Variants in PIWIL4 observed in about 807,000 individuals in gnomAD.
PIWIL4 encodes piwi like RNA-mediated gene silencing 4, also known as piwi-like protein 4.
In PIWIL4, 50 loss-of-function variants were observed where a neutral mutation model predicts 100.9. That is an observed-to-expected ratio of 0.50 (90% CI 0.39 to 0.63). PIWIL4 has a LOEUF of 0.63. Among genes scored for constraint, PIWIL4 ranks in the 20% least tolerant of loss-of-function variants. The pLI is 0.00. For synonymous variants in PIWIL4, 342 were observed against 367.5 expected, an observed-to-expected ratio of 0.93 and a Z score of 0.79; for missense variants, 887 against 1,043.3, an observed-to-expected ratio of 0.85 and a Z score of 2.06.
At chr11:94,602,901 G>A (rs1218663253) in intron 12 of PIWIL4, among the ~76,000 whole-genome samples, 1 of 152,168 alleles carries the variant, frequency 6.6e-6, no homozygotes, top group African/African-American at 2.4e-5. Context: ...AATAAAGCAG[G>A]AAATGATTAT....
rs12282100 is a variant in PIWIL4 at position 94,614,605 on chromosome 11, G to A, written c.1944-1888G>A. On this transcript the variant is annotated intron_variant, in intron 15 of 19. Coordinates refer to ENST00000299001, the MANE Select transcript of PIWIL4 (RefSeq NM_152431.3). ...GTTACAGGCATGAACCACTGCACCC[G>A]GTCAGTTCCTGATTTTTCATGTTTC... 2.4e-3 allele frequency among the ~76,000 whole-genome samples: 360 copies of A among 152,162 alleles called. 1 individual carries two copies. The highest frequency in any genetic ancestry group is 7.3e-3 in the African/African-American group (304 of 41,536).
chr11:94,605,898 C>T (rs1305397284), intron 13 of PIWIL4, among the ~76,000 whole-genome samples: 1 of 152,162 alleles, frequency 6.6e-6, no homozygotes, highest in Non-Finnish European at 1.5e-5. Flanking sequence ...CATGTGTCTC[C>T]ATCTTTCTTG....
At chr11:94,610,408 T>C (rs987150247) in intron 15 of PIWIL4, among the ~76,000 whole-genome samples, 18 of 152,156 alleles carry the variant, frequency 1.2e-4, no homozygotes, top group African/African-American at 4.1e-4. Context: ...TTGAAATTTT[T>C]TGAGGAACTT....
chr11:94,612,841 T>A (rs1948802009), intron 15 of PIWIL4, among the ~76,000 whole-genome samples: 1 of 152,214 alleles, frequency 6.6e-6, no homozygotes, highest in African/African-American at 2.4e-5. Flanking sequence ...ATTTTATGTT[T>A]TAGATGTCAT....
At chr11:94,597,959 A>G in intron 11 of PIWIL4, 44 bp downstream of exon 11, 1 of 1,484,682 alleles carries the variant, frequency 6.7e-7, no homozygotes, top group Non-Finnish European at 9.4e-7. Context: ...ATTTACTTGA[A>G]TATGTGTAAG....
intron 2 of PIWIL4, among the ~76,000 whole-genome samples, chr11:94,570,917 A>G (rs2135232682): frequency 6.6e-6 from 1 of 152,100 alleles, no homozygotes; most frequent in East Asian, 1.9e-4. Flanking sequence ...AAACAAACAA[A>G]CAAAAAAAAC....
In PIWIL4 at chr11:94,621,186, T is replaced by A. The variant is rs7928838; in HGVS notation, c.*194T>A. 5,496 of 523,788 alleles carry A rather than the reference T, an allele frequency of 0.01. 272 individuals are homozygous for A. The highest frequency in any genetic ancestry group is 0.094 in the African/African-American group (4,933 of 52,346). The allele number at this position is 523,788 out of a possible 1,614,324, so 32.4% of individuals were successfully genotyped here. A position where few individuals can be genotyped will look rare whatever the true frequency, so the allele number is the denominator to read the frequency against. On this transcript the variant is annotated 3_prime_UTR_variant, in exon 20 of 20. Coordinates refer to ENST00000299001, the MANE Select transcript of PIWIL4 (RefSeq NM_152431.3). The stretch of plus-strand genomic sequence containing the variant: ...TGTGTTATTTTGTTTTAAAGAGTTG[T>A]ATGCTTGGGGTAAATTTTCATTGTC...
intron 15 of PIWIL4, among the ~76,000 whole-genome samples, chr11:94,614,590 T>C (rs904263125): frequency 9.9e-5 from 15 of 152,188 alleles, no homozygotes; most frequent in Non-Finnish European, 1.9e-4. Flanking sequence ...GTTACAGGCA[T>C]GAACCACTGC....
At chr11:94,576,970 G>C (rs1183005418) in intron 3 of PIWIL4, among the ~76,000 whole-genome samples, 1 of 152,216 alleles carries the variant, frequency 6.6e-6, no homozygotes, top group African/African-American at 2.4e-5. Flanking sequence ...CAGAGAATGA[G>C]AGCGGGAAGG....
intron 3 of PIWIL4, among the ~76,000 whole-genome samples, chr11:94,575,910 A>G (rs1948230017): frequency 6.6e-6 from 1 of 152,152 alleles, no homozygotes; most frequent in African/African-American, 2.4e-5. Flanking sequence ...ATGAGCAGCT[A>G]AAATATGTTG....
chr11:94,609,929 A>G (rs1420621635), intron 15 of PIWIL4, among the ~76,000 whole-genome samples: 1 of 152,090 alleles, frequency 6.6e-6, no homozygotes, highest in Non-Finnish European at 1.5e-5. Context: ...AATTTCAACT[A>G]TACAATAGTA....
chr11:94,582,189 C>T (rs1948329159), intron 4 of PIWIL4, among the ~76,000 whole-genome samples: 1 of 152,096 alleles, frequency 6.6e-6, no homozygotes, highest in South Asian at 2.1e-4. Flanking sequence ...TCTGCTGCCA[C>T]CTCCCCTCAA....
At chr11:94,594,457 C>T (rs1948528404) in intron 9 of PIWIL4, among the ~76,000 whole-genome samples, 1 of 140,700 alleles carries the variant, frequency 7.1e-6, no homozygotes, top group Admixed American at 7.0e-5. Flanking sequence ...CAGAGCAAGA[C>T]TCTGTCTCCA....
chr11:94,601,274 T>C (rs1747412655), intron 11 of PIWIL4, among the ~76,000 whole-genome samples: 1 of 152,192 alleles, frequency 6.6e-6, no homozygotes, highest in African/African-American at 2.4e-5. Context: ...TCACAATCCA[T>C]GTTCTTCTGC....
intron 15 of PIWIL4, among the ~76,000 whole-genome samples, chr11:94,613,431 A>C (rs1222425574): frequency 6.6e-6 from 1 of 152,108 alleles, no homozygotes; most frequent in Non-Finnish European, 1.5e-5. Context: ...TGTCTTGGTG[A>C]ATTCTTCTTT....
chr11:94,618,715 A>G (rs1948872721), intron 17 of PIWIL4, among the ~76,000 whole-genome samples: 1 of 152,244 alleles, frequency 6.6e-6, no homozygotes, highest in East Asian at 1.9e-4. Context: ...GGAGAGGACA[A>G]TAATCTAAAG....
chr11:94,604,116 T>C, intron 13 of PIWIL4, 60 bp downstream of exon 13: 1 of 1,142,786 alleles, frequency 8.8e-7, no homozygotes, highest in Non-Finnish European at 1.3e-6. Flanking sequence ...GCTTTATATC[T>C]ACAGTCTGAA....
At chr11:94,581,739 C>A (rs1236072659) in intron 4 of PIWIL4, among the ~76,000 whole-genome samples, 1 of 152,148 alleles carries the variant, frequency 6.6e-6, no homozygotes, top group African/African-American at 2.4e-5. Context: ...TATTTGAATT[C>A]CTGAGTGCCT....
chr11:94,591,251 A>G (rs1041674322), intron 8 of PIWIL4, among the ~76,000 whole-genome samples: 7 of 152,038 alleles, frequency 4.6e-5, no homozygotes, highest in African/African-American at 1.4e-4. Flanking sequence ...ACTGGCCTAC[A>G]CCTTCCTCAG....
Sources: gnomAD v4.1 joint callset for allele counts (sites outside exome capture counted in the v4.1 genomes callset) on GRCh38, gnomAD v4.1.1 for gene constraint, MANE v1.5 for transcripts, NCBI Gene and HGNC (gene_info 2026-07-23, HGNC 2026-07-21) for gene names.